Variants in KRT33B observed in about 807,000 individuals in gnomAD.
The protein encoded by KRT33B is keratin 33B, also known as keratin, type I cuticular Ha3-II.
In KRT33B, 37 loss-of-function variants were observed where a neutral mutation model predicts 42.7. The observed-to-expected ratio is 0.87, with a 90% CI of 0.67 to 1.14. The LOEUF is 1.14. KRT33B is among the 50% of genes most tolerant of loss of function. The probability of loss-of-function intolerance (pLI) is 0.00; values close to 1 mark genes in which losing one functional copy is unlikely to be tolerated. For missense variants in KRT33B, 523 were observed against 515.1 expected, an observed-to-expected ratio of 1.02 and a Z score of -0.15; for synonymous variants, 237 against 221.2, an observed-to-expected ratio of 1.07 and a Z score of -0.63.
rs1053505140 is a variant in KRT33B at position 41,366,538 on chromosome 17, A to G, written c.520T>C (p.Ser174Pro). Residue 174 changes from serine to proline, a missense_variant, in exon 3 of 7, where the codon TCT (serine) becomes CCT (proline). Transcript: ENST00000251646. ...GACTCCATCTGGGCCTCCAGGTCAG[A>G]CCTGCACAGGGTCAGCTCATCCAGA... ...RILDELTLCR[S>P]DLEAQMESLK... 4 of 1,612,488 alleles carry G rather than the reference A, an allele frequency of 2.5e-6. No homozygotes were observed. Among genetic ancestry groups the G allele is most frequent in the Non-Finnish European group, 3.4e-6 (4 of 1,180,018 alleles).
chr17:41,364,468 G>A (rs2017667718), intron 6 of KRT33B, among the ~76,000 whole-genome samples: 1 of 151,338 alleles, frequency 6.6e-6, no homozygotes, highest in Middle Eastern at 3.2e-3. Context: ...AGTGATCATT[G>A]TTACAGTTTC....
intron 6 of KRT33B, among the ~76,000 whole-genome samples, chr17:41,364,562 GA>G (rs1045907367): frequency 6.6e-6 from 1 of 151,434 alleles, no homozygotes; most frequent in African/African-American, 2.5e-5. Flanking sequence ...TCTACTGGAG[GA>G]AGGAGTCAAG....
chr17:41,365,004 G>T lies in KRT33B; in HGVS notation c.877-5C>A. The T allele has an allele frequency of 6.2e-7, 1 of 1,613,214 alleles. No individual in the cohort carries two copies. The highest frequency in any genetic ancestry group is 8.5e-7 in the Non-Finnish European group (1 of 1,179,992). The stretch of plus-strand genomic sequence containing the variant: ...CGTGTTTTCCAGAGAGTATCGCTGT[G>T]GTGGGAAAGATCAGGAATGTCAGAG... On this transcript the variant is annotated splice_polypyrimidine_tract_variant and splice_region_variant and intron_variant, in intron 5 of 6. Transcript: ENST00000251646.
At chr17:41,365,059 G>A in intron 5 of KRT33B, 60 bp from the exon 6 acceptor site, 12 of 1,608,884 alleles carry the variant, frequency 7.5e-6, no homozygotes, top group East Asian at 2.2e-5. Context: ...CCTCCATGGG[G>A]TTCGAAAAAA....
chr17:41,364,840 G>T lies in KRT33B; in HGVS notation c.1036C>A (p.Arg346=). The change falls in exon 6 of 7, where the codon CGG becomes AGG. Residue 346 remains arginine, a synonymous_variant. Coordinates refer to ENST00000251646, the MANE Select transcript of KRT33B (RefSeq NM_002279.5). ...TTGATCTCACACTCCAGCCGCGCCC[G>T]CACGTCCAGCAGCACCTGATACTCC... ...NQEYQVLLDV[R]ARLECEINTY... 6.2e-7 allele frequency: 1 copy of T among 1,612,556 alleles called. No homozygotes were observed.
Position 41,369,408 on chromosome 17 carries a change from G to T in KRT33B, c.343C>A (p.Gln115Lys), listed in dbSNP as rs2017745333. The T allele has an allele frequency of 6.2e-7, 1 of 1,612,960 alleles. No homozygotes were observed. Among genetic ancestry groups the T allele is most frequent in the Non-Finnish European group, 8.5e-7 (1 of 1,179,702 alleles). The part of the protein sequence containing the change: ...SYFKTIEELQ[Q>K]KILCSKSENA... ...TGTGGTGCCCACCTCCTCACCTTCT[G>T]CTGGAGCTCCTCAATGGTCTTGAAG... The change falls in exon 1 of 7, where the codon CAG (glutamine) becomes AAG (lysine). Residue 115 changes from glutamine to lysine, a missense_variant. Gln to Lys is a moderately conservative substitution (Grantham distance 53). Coordinates refer to ENST00000251646, the MANE Select transcript of KRT33B (RefSeq NM_002279.5).
rs553149537 is a variant in KRT33B at position 41,365,265 on chromosome 17, C to T, written c.786G>A (p.Ser262=). Residue 262 remains serine, a synonymous_variant, in exon 5 of 7, where the codon TCG becomes TCA. Transcript: ENST00000251646. ...CCGCCTGGTAGGACTGCAGCTGCTC[C>T]GAGCTGGATACCACCTGCTTGTTCA... The part of the protein sequence containing the change: ...EELNKQVVSS[S]EQLQSYQAEI... 434 of 1,611,806 alleles carry T rather than the reference C, an allele frequency of 2.7e-4. 4 individuals carry two copies. In the South Asian group the frequency reaches 4.2e-3, roughly 15 times the overall value.
rs772045166 is a variant in KRT33B at position 41,363,900 on chromosome 17, G to A, written c.1151C>T (p.Ser384Phe). 1 of 1,612,006 alleles carries A rather than the reference G, an allele frequency of 6.2e-7. No individual in the cohort carries two copies. Among genetic ancestry groups the A allele is most frequent in the Admixed American group, 1.7e-5 (1 of 59,856 alleles). ...TTNACEKPIG[S>F]CVTNPCGPRS... is the part of the protein sequence containing the mutation. ...AGGACCACAAGGATTGGTGACACAG[G>A]ATCCAATGGGCTTTTCACATGCATT... Residue 384 changes from serine to phenylalanine, a missense_variant, in exon 7 of 7, where the codon TCC (serine) becomes TTC (phenylalanine). Coordinates refer to ENST00000251646, the MANE Select transcript of KRT33B (RefSeq NM_002279.5).
In KRT33B at chr17:41,365,413, C is replaced by T; in HGVS notation, c.729G>A (p.Val243=). 1.2e-6 allele frequency: 2 copies of T among 1,612,410 alleles called. No homozygotes were observed. The highest frequency in any genetic ancestry group is 8.5e-7 in the Non-Finnish European group (1 of 1,179,776). The change falls in exon 4 of 7, where the codon GTG becomes GTA. Residue 243 remains valine, a synonymous_variant. Transcript: ENST00000251646. ...EALVETNRRE[V]EQWFATQTEE... ...CCACCTGCGTGGCGAACCATTGCTC[C>T]ACTTCCCTGCGGTTGGTTTCCACCA...
chr17:41,366,049 T>A (rs2017697041), intron 3 of KRT33B, among the ~76,000 whole-genome samples: 7 of 151,324 alleles, frequency 4.6e-5, no homozygotes, highest in Admixed American at 4.6e-4. Flanking sequence ...TTCCCATCCA[T>A]CAGTTCATCC....
intron 5 of KRT33B, 42 bp downstream of exon 5, chr17:41,365,133 C>A (rs769138346): frequency 1.3e-5 from 21 of 1,609,734 alleles, no homozygotes; most frequent in Non-Finnish European, 1.5e-5. Context: ...ACTCTGCCTC[C>A]CAAGTTCCCA....
At chr17:41,364,647 C>G (rs2144295039) in intron 6 of KRT33B, 132 bp downstream of exon 6, 1 of 1,165,604 alleles carries the variant, frequency 8.6e-7, no homozygotes, top group East Asian at 2.4e-5. Flanking sequence ...CTACACTTCC[C>G]ACGGCTGTAA....
Position 41,365,427 on chromosome 17 carries a change from T to G in KRT33B, c.715A>C (p.Asn239His). ...RNQYEALVET[N>H]RREVEQWFAT... ...AACCATTGCTCCACTTCCCTGCGGT[T>G]GGTTTCCACCAGGGCCTCATACTGA... Residue 239 changes from asparagine to histidine, a missense_variant, in exon 4 of 7, where the codon AAC (asparagine) becomes CAC (histidine). Coordinates refer to ENST00000251646, the MANE Select transcript of KRT33B (RefSeq NM_002279.5). The G allele has an allele frequency of 6.2e-7, 1 of 1,612,704 alleles. No homozygotes were observed. The highest frequency in any genetic ancestry group is 1.1e-5 in the South Asian group (1 of 91,048).
intron 6 of KRT33B, among the ~76,000 whole-genome samples, chr17:41,364,165 C>T (rs1438777171): frequency 3.3e-5 from 5 of 151,228 alleles, no homozygotes; most frequent in Admixed American, 2.0e-4. Flanking sequence ...CCTTGTATGA[C>T]CCTAGACACA....
At position 41,364,894 on chromosome 17, in the gene KRT33B, T is replaced by C; in HGVS notation, c.982A>G (p.Ile328Val). The part of the protein sequence containing the change: ...ITNVESQLAE[I>V]RSDLERQNQE... ...TTCTGCCGCTCCAGGTCACTGCGGATCTCCGCCAGCTGGGACTCCACGTTG... is the reference window on the plus strand; with the variant it reads ...TTCTGCCGCTCCAGGTCACTGCGGACCTCCGCCAGCTGGGACTCCACGTTG... The change falls in exon 6 of 7, where the codon ATC becomes GTC. Residue 328 changes from isoleucine to valine, a missense_variant. Coordinates refer to ENST00000251646, the MANE Select transcript of KRT33B (RefSeq NM_002279.5). 1.9e-6 allele frequency: 3 copies of C among 1,613,292 alleles called. No individual in the cohort carries two copies. The highest frequency in any genetic ancestry group is 2.5e-6 in the Non-Finnish European group (3 of 1,180,040).
At chr17:41,366,746 TA>T in intron 2 of KRT33B, 120 bp from the exon 3 acceptor site, 1 of 1,073,648 alleles carries the variant, frequency 9.3e-7, no homozygotes, top group South Asian at 1.8e-5. Context: ...TTTAAAAAAT[TA>T]AGGGAGAAAA....
chr17:41,364,076 GT>G, intron 6 of KRT33B, 123 bp from the exon 7 acceptor site: 1 of 659,828 alleles, frequency 1.5e-6, no homozygotes. Flanking sequence ...GCCATGCCTT[GT>G]TTGGATCACT....
At position 41,369,718 on chromosome 17, in the gene KRT33B, G is replaced by A. The variant is rs200650262; in HGVS notation, c.33C>T (p.Ser11=). ...GCCGGGAGGAGCAGCTGGTGCGGCA[G>A]CTCAGGCTGGGCAGGCAGAAGTTGT... MPYNFCLPSL[S]CRTSCSSRPC... Residue 11 remains serine, a synonymous_variant, in exon 1 of 7, where the codon AGC becomes AGT. Transcript: ENST00000251646. The A allele has an allele frequency of 3.4e-4, 541 of 1,613,866 alleles. 2 individuals are homozygous for A. The highest frequency in any genetic ancestry group is 1.4e-3 in the East Asian group (61 of 44,882).
intron 2 of KRT33B, 105 bp downstream of exon 2, chr17:41,367,803 C>T: frequency 2.1e-6 from 2 of 961,136 alleles, no homozygotes; most frequent in Non-Finnish European, 3.3e-6. Flanking sequence ...TGCAAGAATC[C>T]TCCCAATAGA....
Sources: gnomAD v4.1 joint callset for allele counts (sites outside exome capture counted in the v4.1 genomes callset) on GRCh38, gnomAD v4.1.1 for gene constraint, MANE v1.5 for transcripts, NCBI Gene and HGNC (gene_info 2026-07-23, HGNC 2026-07-21) for gene names.